PRKAR2A: variants seen among roughly 807,000 people sequenced by gnomAD.
PRKAR2A encodes cAMP-dependent protein kinase type II-alpha regulatory subunit.
Under a neutral mutation model 51.9 loss-of-function variants are expected in PRKAR2A, and 29 were observed. The observed-to-expected ratio is 0.56, with a 90% CI of 0.42 to 0.76. PRKAR2A has a LOEUF of 0.76. Ranked by LOEUF, PRKAR2A falls within the 30% of genes least tolerant of loss-of-function variation. The pLI is 0.00. For synonymous variants in PRKAR2A, 178 were observed against 186.2 expected (o/e 0.96, Z 0.36); for missense variants, 445 against 512.1 (o/e 0.87, Z 1.26).
At chr3:48,752,914 TC>T in intron 9 of PRKAR2A, among the ~76,000 whole-genome samples, 2 of 113,888 alleles carry the variant, frequency 1.8e-5, no homozygotes, top group East Asian at 3.0e-4. Flanking sequence ...GGTTCCCTCC[TC>T]CTTTTTTTTT....
At chr3:48,755,172 A>G (rs1379548138) in intron 9 of PRKAR2A, among the ~76,000 whole-genome samples, 1 of 151,110 alleles carries the variant, frequency 6.6e-6, no homozygotes, top group Non-Finnish European at 1.5e-5. Flanking sequence ...AATTTTTTGT[A>G]TTTTTATTAG....
At position 48,806,904 on chromosome 3, in the gene PRKAR2A, G is replaced by A. The variant is rs553276667; in HGVS notation, c.298+745C>T. ...CTCTGCCTCAGCCTCCCAAGTAGCT[G>A]GGACTACAGGGGCGCGCTACTGTGC... On this transcript the variant is annotated intron_variant, in intron 2 of 10. Transcript: ENST00000265563. 3.1e-3 allele frequency among the ~76,000 whole-genome samples: 477 copies of A among 151,908 alleles called. 6 individuals carry two copies. The highest frequency in any genetic ancestry group is 3.6e-3 in the Non-Finnish European group (242 of 67,970).
chr3:48,829,497 C>G (rs918559802), intron 1 of PRKAR2A, among the ~76,000 whole-genome samples: 5 of 149,372 alleles, frequency 3.3e-5, no homozygotes, highest in Non-Finnish European at 5.9e-5. Flanking sequence ...CCAACCTGGG[C>G]AACAGAGCAA....
At chr3:48,842,265 T>C (rs1435256171) in intron 1 of PRKAR2A, among the ~76,000 whole-genome samples, 1 of 152,250 alleles carries the variant, frequency 6.6e-6, no homozygotes, top group Non-Finnish European at 1.5e-5. Context: ...ATTGATTTTG[T>C]ATCCTGAGAC....
At chr3:48,786,638 A>G (rs2082299155) in intron 4 of PRKAR2A, among the ~76,000 whole-genome samples, 1 of 151,284 alleles carries the variant, frequency 6.6e-6, no homozygotes, top group African/African-American at 2.4e-5. Flanking sequence ...TCTACTAAAA[A>G]TAAAAAATAA....
intron 1 of PRKAR2A, among the ~76,000 whole-genome samples, chr3:48,817,746 A>G (rs922627874): frequency 4.0e-5 from 6 of 151,552 alleles, no homozygotes; most frequent in Non-Finnish European, 2.9e-5. Context: ...AGAGAGAGAA[A>G]AAACACTTCA....
chr3:48,791,903 CAAAAAAAAAAAAAAAAA>C (rs1177374619), intron 3 of PRKAR2A, among the ~76,000 whole-genome samples: 3 of 41,880 alleles, frequency 7.2e-5, no homozygotes, highest in East Asian at 7.4e-4. Context: ...AACTCTGTCT[CAAAAAAAAAAAAAAAAA>C]AAAAAAAAAA....
chr3:48,830,889 C>T (rs1254354492), intron 1 of PRKAR2A, among the ~76,000 whole-genome samples: 1 of 152,134 alleles, frequency 6.6e-6, no homozygotes, highest in African/African-American at 2.4e-5. Flanking sequence ...ACACTGTTCA[C>T]AACGGTTCAC....
chr3:48,814,343 C>T (rs986241239), intron 1 of PRKAR2A, among the ~76,000 whole-genome samples: 3 of 151,804 alleles, frequency 2.0e-5, no homozygotes, highest in African/African-American at 7.3e-5. Flanking sequence ...GCTTGAACCA[C>T]GGAGGTGGAG....
At position 48,833,503 on chromosome 3, in the gene PRKAR2A, T is replaced by A. The variant is rs1189502010; in HGVS notation, c.262+13832A>T. 1.3e-3 allele frequency among the ~76,000 whole-genome samples: 154 copies of A among 119,760 alleles called. No homozygotes were observed. In the Middle Eastern group the frequency reaches 0.02, roughly 16 times the overall value. 78.6% of individuals were successfully genotyped at this position (119,760 alleles called of 152,430 possible). Reference sequence around the variant, plus strand: ...CGGGTGGATCACCTGAGGTCAGGAGTTCAAGACCAGCCTGGCCAACATGGT... The same window carrying A: ...CGGGTGGATCACCTGAGGTCAGGAGATCAAGACCAGCCTGGCCAACATGGT... On this transcript the variant is annotated intron_variant, in intron 1 of 10. Coordinates refer to ENST00000265563, the MANE Select transcript of PRKAR2A (RefSeq NM_004157.4).
chr3:48,816,587 G>C (rs933267005), intron 1 of PRKAR2A, among the ~76,000 whole-genome samples: 1 of 151,978 alleles, frequency 6.6e-6, no homozygotes, highest in Non-Finnish European at 1.5e-5. Flanking sequence ...GCAGTGAGCC[G>C]AGATCGCACC....
chr3:48,840,044 C>T (rs1278391344), intron 1 of PRKAR2A, among the ~76,000 whole-genome samples: 1 of 152,160 alleles, frequency 6.6e-6, no homozygotes, highest in Non-Finnish European at 1.5e-5. Flanking sequence ...CCCAAGCCCT[C>T]GGTTAGCTCT....
In PRKAR2A at chr3:48,751,463, A is replaced by G. The variant is rs1559597807; in HGVS notation, c.*122T>C. Reference sequence around the variant, plus strand: ...AAGTTTTCTAAATGCCCATAACCACAGCAATGGCAGCAGTGGCGGCAACGG... The same window carrying G: ...AAGTTTTCTAAATGCCCATAACCACGGCAATGGCAGCAGTGGCGGCAACGG... On this transcript the variant is annotated 3_prime_UTR_variant, in exon 11 of 11. Coordinates refer to ENST00000265563, the MANE Select transcript of PRKAR2A (RefSeq NM_004157.4). The G allele has an allele frequency of 2.1e-6, 3 of 1,400,570 alleles. No homozygotes were observed. Among genetic ancestry groups the G allele is most frequent in the East Asian group, 2.3e-5 (1 of 43,018 alleles). The allele number at this position is 1,400,570 out of a possible 1,614,324, so 86.8% of individuals were successfully genotyped here.
At chr3:48,814,685 C>T (rs948862060) in intron 1 of PRKAR2A, among the ~76,000 whole-genome samples, 1 of 152,120 alleles carries the variant, frequency 6.6e-6, no homozygotes, top group Non-Finnish European at 1.5e-5. Flanking sequence ...ATCATTGCTA[C>T]AAATTGAAAA....
At chr3:48,745,781 C>T (rs1184585168), downstream of PRKAR2A, among the ~76,000 whole-genome samples, 3 of 152,006 alleles carry the variant, frequency 2.0e-5, no homozygotes, top group East Asian at 1.9e-4. Flanking sequence ...TCAGGTGATC[C>T]GCCCACCTCC....
intron 1 of PRKAR2A, among the ~76,000 whole-genome samples, chr3:48,829,800 T>C (rs1225256740): frequency 7.6e-6 from 1 of 132,390 alleles, no homozygotes; most frequent in African/African-American, 2.7e-5. Flanking sequence ...TATATGCGTA[T>C]ATATACATAT....
At chr3:48,844,177 G>A (rs2107473056) in intron 1 of PRKAR2A, among the ~76,000 whole-genome samples, 1 of 152,260 alleles carries the variant, frequency 6.6e-6, no homozygotes, top group East Asian at 1.9e-4. Flanking sequence ...GCGGGCAAAG[G>A]ATATGAACAG....
At chr3:48,764,056 G>C (rs2081902262) in intron 8 of PRKAR2A, among the ~76,000 whole-genome samples, 1 of 152,138 alleles carries the variant, frequency 6.6e-6, no homozygotes. Context: ...TGACCAATCT[G>C]AGCCTTTCCT....
intron 1 of PRKAR2A, among the ~76,000 whole-genome samples, chr3:48,840,095 C>A (rs1443553905): frequency 6.6e-6 from 1 of 151,800 alleles, no homozygotes; most frequent in Non-Finnish European, 1.5e-5. Context: ...ACTCTGGTTA[C>A]CTTCTGTAAG....
Sources: gnomAD v4.1 joint callset for allele counts (sites outside exome capture counted in the v4.1 genomes callset) on GRCh38, gnomAD v4.1.1 for gene constraint, MANE v1.5 for transcripts, NCBI Gene and HGNC (gene_info 2026-07-23, HGNC 2026-07-21) for gene names.